NTN1: variants seen among roughly 807,000 people sequenced by gnomAD.
NTN1 encodes the protein netrin-1.
In NTN1, 11 loss-of-function variants were observed where a neutral mutation model predicts 54.2. That is an observed-to-expected ratio of 0.20 (90% CI 0.13 to 0.34). NTN1 has a LOEUF of 0.34. Among genes scored for constraint, NTN1 ranks in the 10% least tolerant of loss-of-function variants. The pLI, the probability that NTN1 is intolerant of heterozygous loss-of-function variation, is 1.00. For synonymous variants in NTN1, 371 were observed against 382.0 expected (o/e 0.97, Z 0.33); for missense variants, 740 against 893.1 (o/e 0.83, Z 2.18).
intron 3 of NTN1, among the ~76,000 whole-genome samples, chr17:9,167,227 A>T (rs1567726863): frequency 6.6e-6 from 1 of 152,170 alleles, no homozygotes. Context: ...TGGTCTGTGA[A>T]TGATACTCGT....
intron 5 of NTN1, chr17:9,183,480 G>T (rs1182285539): frequency 2.6e-6 from 1 of 379,970 alleles, no homozygotes; most frequent in South Asian, 2.1e-5. Context: ...GCCGCAGACC[G>T]CAGCATGCGG....
At chr17:9,190,816 C>T (rs1837529663) in intron 5 of NTN1, among the ~76,000 whole-genome samples, 1 of 151,942 alleles carries the variant, frequency 6.6e-6, no homozygotes, top group Non-Finnish European at 1.5e-5. Context: ...CGTGCCACTG[C>T]ACTCCAGCCT....
chr17:9,162,722 G>A (rs1041378139), intron 2 of NTN1, 91 bp from the exon 3 acceptor site: 5 of 1,202,506 alleles, frequency 4.2e-6, no homozygotes, highest in Non-Finnish European at 4.7e-6. Flanking sequence ...GAGAAGGGAG[G>A]AGTTGAGGGG....
At position 9,136,424 on chromosome 17, in the gene NTN1, A is replaced by G. The variant is rs540373338; in HGVS notation, c.1019-26389A>G. 4.6e-5 allele frequency among the ~76,000 whole-genome samples: 7 copies of G among 152,224 alleles called. No homozygotes were observed. In the South Asian group the frequency reaches 1.5e-3, roughly 32 times the overall value. On this transcript the variant is annotated intron_variant, in intron 2 of 6. Coordinates refer to ENST00000173229, the MANE Select transcript of NTN1 (RefSeq NM_004822.3). ...CCCCGTCTCTACTAAAACAAATACAAAAATTAGCCAGGCATAGTGGCATGC... is the reference window on the plus strand; with the variant it reads ...CCCCGTCTCTACTAAAACAAATACAGAAATTAGCCAGGCATAGTGGCATGC...
At chr17:9,102,258 T>C (rs553179508) in intron 2 of NTN1, among the ~76,000 whole-genome samples, 1 of 152,242 alleles carries the variant, frequency 6.6e-6, no homozygotes, top group Non-Finnish European at 1.5e-5. Flanking sequence ...AGAGGCTTAA[T>C]TGACTCACAG....
chr17:9,239,896 G>T lies in NTN1; in HGVS notation c.1743G>T (p.Trp581Cys). Reference protein sequence around the residue: ...VADKSSLVIQWRDTWARRLRK... With the variant: ...VADKSSLVIQCRDTWARRLRK... Reference sequence around the variant, plus strand: ...ATAAAAGCAGCCTGGTGATCCAGTGGCGGGACACGTGGGCGCGGCGGCTGC... The same window carrying T: ...ATAAAAGCAGCCTGGTGATCCAGTGTCGGGACACGTGGGCGCGGCGGCTGC... The change falls in exon 7 of 7, where the codon TGG becomes TGT. Residue 581 changes from tryptophan to cysteine, a missense_variant. By Grantham distance (215) the Trp-to-Cys change is radical. Coordinates refer to ENST00000173229, the MANE Select transcript of NTN1 (RefSeq NM_004822.3). The surrounding 1 kb of genome is among the most constrained non-coding windows in gnomAD (Gnocchi z 5.2). 6.2e-7 allele frequency: 1 copy of T among 1,609,344 alleles called. No homozygotes were observed. Among genetic ancestry groups the T allele is most frequent in the Non-Finnish European group, 8.5e-7 (1 of 1,178,494 alleles).
chr17:9,127,899 C>T (rs1004526935), intron 2 of NTN1, among the ~76,000 whole-genome samples: 1 of 151,276 alleles, frequency 6.6e-6, no homozygotes, highest in Non-Finnish European at 1.5e-5. Context: ...GGTGGATCAC[C>T]TGAGGTCGGG....
chr17:9,184,160 C>T (rs1357985983), intron 5 of NTN1, among the ~76,000 whole-genome samples: 4 of 152,146 alleles, frequency 2.6e-5, no homozygotes, highest in Non-Finnish European at 4.4e-5. Context: ...AAGACAGATT[C>T]GGCACTTGCA....
At chr17:9,134,995 A>G (rs551125568) in intron 2 of NTN1, among the ~76,000 whole-genome samples, 22 of 152,192 alleles carry the variant, frequency 1.4e-4, no homozygotes, top group African/African-American at 3.9e-4. Flanking sequence ...TGCCTCCTGA[A>G]TGGACACCCC....
intron 2 of NTN1, among the ~76,000 whole-genome samples, chr17:9,160,581 G>C (rs1260910487): frequency 6.6e-6 from 1 of 152,228 alleles, no homozygotes; most frequent in Non-Finnish European, 1.5e-5. Context: ...AAAGATCTCT[G>C]TAGCAACTGT....
chr17:9,227,790 ATCACACACAT>A (rs953937816), intron 6 of NTN1, among the ~76,000 whole-genome samples: 1 of 148,536 alleles, frequency 6.7e-6, no homozygotes, highest in Non-Finnish European at 1.5e-5. Context: ...CCACACACAT[ATCACACACAT>A]TCACACACTA....
chr17:9,183,383 C>G, intron 5 of NTN1: 1 of 480,524 alleles, frequency 2.1e-6, no homozygotes, highest in South Asian at 1.6e-5. Flanking sequence ...TGCAGGGGGC[C>G]CAGGAGCTGG....
intron 3 of NTN1, chr17:9,179,212 T>C (rs998287959): frequency 1.3e-5 from 2 of 152,356 alleles, no homozygotes; most frequent in African/African-American, 4.8e-5. Context: ...TGCTACAGTT[T>C]ATGGGTTTTG....
chr17:9,202,252 T>C (rs1248583011), intron 5 of NTN1, among the ~76,000 whole-genome samples: 3 of 151,344 alleles, frequency 2.0e-5, no homozygotes, highest in Non-Finnish European at 4.4e-5. Context: ...AAAAAAAAGA[T>C]ATAAAAGATG....
chr17:9,106,851 G>A (rs1014821911), intron 2 of NTN1, among the ~76,000 whole-genome samples: 6 of 67,960 alleles, frequency 8.8e-5, no homozygotes, highest in Non-Finnish European at 1.4e-4. Context: ...TTGTATCTTC[G>A]CCGTCACCAT....
At chr17:9,064,663 C>G (rs1349279171) in intron 2 of NTN1, among the ~76,000 whole-genome samples, 1 of 152,228 alleles carries the variant, frequency 6.6e-6, no homozygotes, top group East Asian at 1.9e-4. Flanking sequence ...TCACATCATT[C>G]ACACTGCCGA....
intron 2 of NTN1, among the ~76,000 whole-genome samples, chr17:9,047,076 T>C (rs921950672): frequency 6.6e-6 from 1 of 152,346 alleles, no homozygotes; most frequent in African/African-American, 2.4e-5. Flanking sequence ...TAAAATACTT[T>C]ATTGCTAAAA....
chr17:9,111,179 G>A (rs935544305), intron 2 of NTN1, among the ~76,000 whole-genome samples: 8 of 151,806 alleles, frequency 5.3e-5, no homozygotes, highest in Admixed American at 1.3e-4. Flanking sequence ...CTCGTGATCC[G>A]CCTGCCTCGG....
chr17:9,044,792 AT>A (rs754110893), intron 2 of NTN1, among the ~76,000 whole-genome samples: 52 of 152,342 alleles, frequency 3.4e-4, no homozygotes, highest in Admixed American at 9.2e-4. Context: ...TCTTCCACAG[AT>A]TAAGTGACAA....
Sources: allele counts gnomAD v4.1 joint callset (sites outside exome capture counted in the v4.1 genomes callset), GRCh38; gene constraint gnomAD v4.1.1; non-coding constraint Gnocchi (gnomAD v3.1); transcripts MANE v1.5; gene names NCBI Gene and HGNC (gene_info 2026-07-23, HGNC 2026-07-21).